Variants in KCND3 observed in about 807,000 individuals in gnomAD.
KCND3 encodes the protein potassium voltage-gated channel subfamily D member 3, also known as A-type voltage-gated potassium channel KCND3.
Under a neutral mutation model 51.1 loss-of-function variants are expected in KCND3, and 9 were observed. The observed-to-expected ratio is 0.18, with a 90% CI of 0.11 to 0.31. The LOEUF (loss-of-function observed/expected upper bound fraction) is 0.31. Among genes scored for constraint, KCND3 ranks in the 10% least tolerant of loss-of-function variants. The probability of loss-of-function intolerance (pLI) is 1.00; values close to 1 mark genes in which losing one functional copy is unlikely to be tolerated. For synonymous variants in KCND3, 349 were observed against 368.0 expected (o/e 0.95, Z 0.59); for missense variants, 526 against 903.8 (o/e 0.58, Z 5.36).
chr1:111,878,225 C>A (rs887908762), intron 2 of KCND3, among the ~76,000 whole-genome samples: 1 of 152,242 alleles, frequency 6.6e-6, no homozygotes, highest in East Asian at 1.9e-4. Flanking sequence ...GGCAGAGAAG[C>A]ATGTACGTGA....
Position 111,775,954 on chromosome 1 carries a change from G to T in KCND3, c.*123C>A. ...TTCCAGGCACAAGTCTCAGTGCTAG[G>T]GGTACAATGGGGCAGGCAGAAATAG... On this transcript the variant is annotated 3_prime_UTR_variant, in exon 8 of 8. Transcript: ENST00000302127. 9.1e-7 allele frequency: 1 copy of T among 1,094,108 alleles called. No homozygotes were observed. The allele number at this position is 1,094,108 out of a possible 1,614,324, so 67.8% of individuals were successfully genotyped here.
chr1:111,875,269 G>C (rs1669001698), intron 2 of KCND3, among the ~76,000 whole-genome samples: 2 of 152,164 alleles, frequency 1.3e-5, no homozygotes, highest in South Asian at 2.1e-4. Context: ...TTTGTAGTTA[G>C]AGGGCTGTGT....
chr1:111,829,793 A>T (rs1571705573), intron 2 of KCND3, among the ~76,000 whole-genome samples: 1 of 152,128 alleles, frequency 6.6e-6, no homozygotes. Context: ...TGTTGTTGCT[A>T]ACAAAATGGA....
intron 5 of KCND3, 44 bp from the exon 6 acceptor site, chr1:111,778,536 G>T (rs1305629825): frequency 3.2e-6 from 5 of 1,575,222 alleles, no homozygotes; most frequent in Non-Finnish European, 4.4e-6. Flanking sequence ...ACCATTGATT[G>T]TACATTCCAG....
At chr1:111,844,649 A>G (rs1415347001) in intron 2 of KCND3, among the ~76,000 whole-genome samples, 1 of 152,014 alleles carries the variant, frequency 6.6e-6, no homozygotes, top group Non-Finnish European at 1.5e-5. Context: ...CCATCCCTTC[A>G]CTTGAGACAG....
chr1:111,934,230 G>A (rs1251010197), intron 2 of KCND3, among the ~76,000 whole-genome samples: 1 of 152,180 alleles, frequency 6.6e-6, no homozygotes, highest in African/African-American at 2.4e-5. Context: ...CTGCCCAAGA[G>A]AGCAGACTCC....
intron 2 of KCND3, among the ~76,000 whole-genome samples, chr1:111,904,122 C>T (rs560279550): frequency 2.1e-4 from 31 of 146,594 alleles, no homozygotes; most frequent in Non-Finnish European, 2.1e-4. Flanking sequence ...CCATTAACCT[C>T]AATTTCCAGC....
intron 2 of KCND3, among the ~76,000 whole-genome samples, chr1:111,911,790 T>C (rs1670959167): frequency 2.0e-5 from 3 of 152,210 alleles, no homozygotes; most frequent in Non-Finnish European, 4.4e-5. Context: ...ATACAAAATA[T>C]ATGAAACAAA....
Position 111,971,494 on chromosome 1 carries a change from C to T in KCND3, c.1106+10127G>A, listed in dbSNP as rs72977037. On this transcript the variant is annotated intron_variant, in intron 2 of 7. Coordinates refer to ENST00000302127, the MANE Select transcript of KCND3 (RefSeq NM_001378969.1). ...CAAAGTTCCTACTGGGGGCAGGTGC[C>T]AGAGAAGTAGGGCACAAGGCAGGAA... 3.0e-3 allele frequency among the ~76,000 whole-genome samples: 461 copies of T among 152,168 alleles called. 2 individuals carry two copies. Among genetic ancestry groups the T allele is most frequent in the African/African-American group, 0.011 (447 of 41,506 alleles).
intron 2 of KCND3, among the ~76,000 whole-genome samples, chr1:111,933,664 G>A (rs1349571790): frequency 6.6e-6 from 1 of 152,148 alleles, no homozygotes; most frequent in East Asian, 1.9e-4. Flanking sequence ...CAGGCAGGGA[G>A]GCCAAGCTCC....
At chr1:111,954,194 A>C (rs1032444245) in intron 2 of KCND3, among the ~76,000 whole-genome samples, 1 of 152,044 alleles carries the variant, frequency 6.6e-6, no homozygotes, top group Non-Finnish European at 1.5e-5. Context: ...CTCCCAAACC[A>C]TGCCAACACC....
intron 2 of KCND3, among the ~76,000 whole-genome samples, chr1:111,843,068 T>C (rs1180009666): frequency 1.3e-5 from 2 of 152,242 alleles, no homozygotes; most frequent in Non-Finnish European, 2.9e-5. Context: ...TGGGAGCTTC[T>C]GCATTGCTTT....
chr1:111,877,079 AAAG>A (rs1669081719), intron 2 of KCND3, among the ~76,000 whole-genome samples: 1 of 152,208 alleles, frequency 6.6e-6, no homozygotes, highest in Non-Finnish European at 1.5e-5. Context: ...TGGGAGATGC[AAAG>A]AAGTATTAGA....
chr1:111,950,027 C>T (rs1218225928), intron 2 of KCND3, among the ~76,000 whole-genome samples: 9 of 152,208 alleles, frequency 5.9e-5, no homozygotes, highest in Non-Finnish European at 1.3e-4. Context: ...TCTTCTGCCT[C>T]AGCCTCCCAA....
At chr1:111,940,940 T>C (rs756568247) in intron 2 of KCND3, among the ~76,000 whole-genome samples, 6 of 152,214 alleles carry the variant, frequency 3.9e-5, no homozygotes, top group Non-Finnish European at 5.9e-5. Context: ...CTCTCCTTTG[T>C]GTAAGTATCA....
Position 111,773,681 on chromosome 1 carries a change from A to T in KCND3, c.*2396T>A, listed in dbSNP as rs1034532693. 6.6e-6 allele frequency: 1 copy of T among 152,102 alleles called. No individual in the cohort carries two copies. The highest frequency in any genetic ancestry group is 1.5e-5 in the Non-Finnish European group (1 of 68,026). 9.4% of individuals were successfully genotyped at this position (152,102 alleles called of 1,614,324 possible). A position where few individuals can be genotyped will look rare whatever the true frequency, so the allele number is the denominator to read the frequency against. On this transcript the variant is annotated 3_prime_UTR_variant, in exon 8 of 8. Coordinates refer to ENST00000302127, the MANE Select transcript of KCND3 (RefSeq NM_001378969.1). ...GGTGATCTGTTCACCTCGGCTTCCC[A>T]AAGTGCTGGGATTACAGATGTGAGC...
intron 2 of KCND3, among the ~76,000 whole-genome samples, chr1:111,933,944 G>A (rs552198446): frequency 3.3e-5 from 5 of 152,294 alleles, no homozygotes; most frequent in South Asian, 2.1e-4. Flanking sequence ...CCGTGCTATA[G>A]GCAGGAGGCA....
intron 2 of KCND3, among the ~76,000 whole-genome samples, chr1:111,946,681 T>C (rs1672793778): frequency 6.6e-6 from 1 of 152,232 alleles, no homozygotes; most frequent in Admixed American, 6.5e-5. Context: ...AGATTATTAT[T>C]AAATACTGAA....
chr1:111,961,611 T>C (rs920097808), intron 2 of KCND3, among the ~76,000 whole-genome samples: 2 of 152,146 alleles, frequency 1.3e-5, no homozygotes, highest in Admixed American at 6.5e-5. Context: ...TCCCTTTCCC[T>C]GTGCCGAAGG....
Sources: allele counts gnomAD v4.1 joint callset (sites outside exome capture counted in the v4.1 genomes callset), GRCh38; gene constraint gnomAD v4.1.1; transcripts MANE v1.5; gene names NCBI Gene and HGNC (gene_info 2026-07-23, HGNC 2026-07-21).